Variants in ARID2 observed in about 807,000 individuals in gnomAD.
ARID2 encodes AT-rich interactive domain-containing protein 2.
In ARID2, 32 loss-of-function variants were observed where a neutral mutation model predicts 184.6. That is an observed-to-expected ratio of 0.17 (90% CI 0.13 to 0.23). The LOEUF is 0.23. ARID2 is among the 10% of genes least tolerant of loss of function. The pLI, the probability that ARID2 is intolerant of heterozygous loss-of-function variation, is 1.00. For missense variants in ARID2, 1,696 were observed against 2,197.6 expected, an observed-to-expected ratio of 0.77 and a Z score of 4.56; for synonymous variants, 836 against 772.6, an observed-to-expected ratio of 1.08 and a Z score of -1.36.
In ARID2 at chr12:45,774,612, G is replaced by A. The variant is rs538601419; in HGVS notation, c.285-36806G>A. The stretch of plus-strand genomic sequence containing the variant: ...ATATAAATTATGGCTTCCCATGAGC[G>A]TCCCAATATGCAGCACTGGTGGGAC... On this transcript the variant is annotated intron_variant, in intron 3 of 20. Coordinates refer to ENST00000334344, the MANE Select transcript of ARID2 (RefSeq NM_152641.4). Among the ~76,000 whole-genome samples the A allele has an allele frequency of 7.9e-5, 12 of 152,162 alleles. No individual in the cohort carries two copies. The East Asian group carries it at 1.7e-3, about 22-fold the overall frequency.
chr12:45,837,193 G>A, intron 8 of ARID2, 128 bp from the exon 9 acceptor site: 1 of 1,131,764 alleles, frequency 8.8e-7, no homozygotes, highest in Non-Finnish European at 1.2e-6. Flanking sequence ...TTCAGAAATG[G>A]CTATTTTTAC....
At chr12:45,796,781 T>A (rs1435325853) in intron 3 of ARID2, among the ~76,000 whole-genome samples, 1 of 152,140 alleles carries the variant, frequency 6.6e-6, no homozygotes, top group East Asian at 1.9e-4. Context: ...CCAGAGTGAA[T>A]ACTGATGTGA....
At chr12:45,857,304 A>G (rs962272040) in intron 15 of ARID2, among the ~76,000 whole-genome samples, 11 of 152,228 alleles carry the variant, frequency 7.2e-5, no homozygotes, top group African/African-American at 2.7e-4. Context: ...TACTCAACCC[A>G]TCAGAAAATA....
intron 3 of ARID2, among the ~76,000 whole-genome samples, chr12:45,795,433 CTTTTTTATTTT>C (rs1167007350): frequency 6.6e-6 from 1 of 151,720 alleles, no homozygotes; most frequent in Non-Finnish European, 1.5e-5. Context: ...TTTTCTTTTT[CTTTTTTATTTT>C]TTTTTTAGAC....
At chr12:45,881,127 A>AG (rs1944092535) in intron 16 of ARID2, 3 of 154,494 alleles carry the variant, frequency 1.9e-5, no homozygotes, top group South Asian at 3.8e-4. Context: ...CAGTCATGCT[A>AG]GGGGGGCAGC....
chr12:45,764,359 C>T (rs909391368), intron 3 of ARID2, among the ~76,000 whole-genome samples: 8 of 151,844 alleles, frequency 5.3e-5, no homozygotes, highest in Non-Finnish European at 5.9e-5. Flanking sequence ...GAAATCATTC[C>T]CCCCTTTTTA....
At chr12:45,899,474 CGG>C (rs1246496767) in intron 20 of ARID2, among the ~76,000 whole-genome samples, 15 of 148,970 alleles carry the variant, frequency 1.0e-4, no homozygotes, top group East Asian at 4.0e-4. Flanking sequence ...GGCGTGGTGG[CGG>C]GCGCCTGTAG....
chr12:45,886,132 A>G (rs550952415), intron 16 of ARID2, among the ~76,000 whole-genome samples: 1 of 152,222 alleles, frequency 6.6e-6, no homozygotes, highest in East Asian at 1.9e-4. Context: ...CAAGTTAGTT[A>G]CTTCCTAGAT....
intron 3 of ARID2, among the ~76,000 whole-genome samples, chr12:45,785,617 A>C (rs117639122): frequency 6.6e-6 from 1 of 152,224 alleles, no homozygotes; most frequent in Non-Finnish European, 1.5e-5. Flanking sequence ...TGGAAACTTT[A>C]TGAATGCCAA....
At chr12:45,796,476 T>A (rs1169650966) in intron 3 of ARID2, among the ~76,000 whole-genome samples, 1 of 152,158 alleles carries the variant, frequency 6.6e-6, no homozygotes. Context: ...TATAACGATG[T>A]CTTTGAATGA....
intron 20 of ARID2, chr12:45,904,370 T>C (rs1944494401): frequency 1.4e-6 from 1 of 716,328 alleles, no homozygotes; most frequent in Non-Finnish European, 2.6e-6. Context: ...AAAAAGAATT[T>C]TGCTGTGCAG....
At chr12:45,863,111 T>C (rs1057106062) in intron 16 of ARID2, among the ~76,000 whole-genome samples, 2 of 152,202 alleles carry the variant, frequency 1.3e-5, no homozygotes, top group East Asian at 1.9e-4. Context: ...TTGCAACATA[T>C]TGGACAATTT....
rs1451534347 is a variant in ARID2, at chr12:45,813,494, T to C, written c.418+1943T>C. On this transcript the variant is annotated intron_variant, in intron 4 of 20. Coordinates refer to ENST00000334344, the MANE Select transcript of ARID2 (RefSeq NM_152641.4). The stretch of plus-strand genomic sequence containing the variant: ...AAAAAACCACCAAAATGAAATTATC[T>C]AATATTAGATTGAGAGTATTTAAAG... Among the ~76,000 whole-genome samples, 4 of 151,330 alleles carry C rather than the reference T, an allele frequency of 2.6e-5. No homozygotes were observed. In the East Asian group the frequency reaches 7.7e-4, roughly 29 times the overall value.
intron 20 of ARID2, among the ~76,000 whole-genome samples, chr12:45,894,480 C>T (rs1344776849): frequency 6.6e-6 from 1 of 152,140 alleles, no homozygotes; most frequent in East Asian, 1.9e-4. Flanking sequence ...CACTATTTTA[C>T]CTTGTCTTAC....
chr12:45,902,334 T>C (rs1230789548), intron 20 of ARID2, among the ~76,000 whole-genome samples: 2 of 152,190 alleles, frequency 1.3e-5, no homozygotes, highest in Non-Finnish European at 2.9e-5. Flanking sequence ...AAAATCATCC[T>C]AGTGATTTCA....
intron 18 of ARID2, among the ~76,000 whole-genome samples, chr12:45,892,741 AT>A (rs1944317635): frequency 6.6e-6 from 1 of 152,136 alleles, no homozygotes. Context: ...CACACAGATA[AT>A]GATGCACTAT....
intron 16 of ARID2, among the ~76,000 whole-genome samples, chr12:45,862,259 G>T (rs1943762501): frequency 6.6e-6 from 1 of 152,078 alleles, no homozygotes; most frequent in African/African-American, 2.4e-5. Flanking sequence ...TTATATATAT[G>T]TGACCTATAT....
At chr12:45,803,068 A>G (rs1206285186) in intron 3 of ARID2, among the ~76,000 whole-genome samples, 1 of 152,080 alleles carries the variant, frequency 6.6e-6, no homozygotes, top group Admixed American at 6.5e-5. Context: ...TGTTTTTCTG[A>G]AAGTCTTTTT....
intron 16 of ARID2, among the ~76,000 whole-genome samples, chr12:45,880,274 A>T (rs560123515): frequency 6.6e-6 from 1 of 152,330 alleles, no homozygotes; most frequent in East Asian, 1.9e-4. Context: ...TCAAACCAGG[A>T]ATATAGAGGA....
Sources: gnomAD v4.1 joint callset for allele counts (sites outside exome capture counted in the v4.1 genomes callset) on GRCh38, gnomAD v4.1.1 for gene constraint, MANE v1.5 for transcripts, NCBI Gene and HGNC (gene_info 2026-07-23, HGNC 2026-07-21) for gene names.